Variants in CHODL observed in about 807,000 individuals in gnomAD.
CHODL encodes transmembrane protein MT75.
In CHODL, 29 loss-of-function variants were observed where a neutral mutation model predicts 34.5. The ratio of observed to expected loss-of-function variants is 0.84; its 90% CI spans 0.63 to 1.15. CHODL has a LOEUF of 1.15. Among genes scored for constraint, CHODL ranks in the 50% most tolerant of loss-of-function variants. The pLI, the probability that CHODL is intolerant of heterozygous loss-of-function variation, is 0.00. For synonymous variants in CHODL, 125 were observed against 116.1 expected (o/e 1.08, Z -0.49); for missense variants, 332 against 332.5 (o/e 1.00, Z 0.01).
intron 2 of CHODL, among the ~76,000 whole-genome samples, chr21:18,187,055 C>T (rs1192964853): frequency 6.6e-6 from 1 of 152,078 alleles, no homozygotes; most frequent in African/African-American, 2.4e-5. Context: ...TACTATAATA[C>T]AGCAAAAGTC....
At chr21:18,023,943 A>G (rs188286155) in intron 1 of CHODL, among the ~76,000 whole-genome samples, 167 of 152,330 alleles carry the variant, frequency 1.1e-3, no homozygotes, top group African/African-American at 3.6e-3. Context: ...GTGATTAGTT[A>G]TGGTAAAAGA....
chr21:17,964,384 GAACATGAA>G (rs952626498), intron 1 of CHODL, among the ~76,000 whole-genome samples: 3 of 152,180 alleles, frequency 2.0e-5, no homozygotes, highest in African/African-American at 7.2e-5. Flanking sequence ...TGCACGTGCT[GAACATGAA>G]AATGCCAAAA....
At chr21:17,929,210 A>C (rs868377785) in intron 1 of CHODL, among the ~76,000 whole-genome samples, 1 of 152,226 alleles carries the variant, frequency 6.6e-6, no homozygotes, top group African/African-American at 2.4e-5. Context: ...GCCTCAAAGT[A>C]ATGTCTTTGG....
chr21:18,245,496 T>C (rs1236829326), intron 1 of CHODL, among the ~76,000 whole-genome samples, 194 bp downstream of exon 1: 1 of 152,186 alleles, frequency 6.6e-6, no homozygotes, highest in Non-Finnish European at 1.5e-5. Context: ...CAGAAAAGTT[T>C]AAATTTTTGT....
intron 2 of CHODL, among the ~76,000 whole-genome samples, chr21:18,058,487 C>CA (rs11430275): frequency 0.55 from 82,863 of 151,884 alleles, 24,039 homozygotes; most frequent in Non-Finnish European, 0.66. Context: ...GAAAATGTGG[C>CA]ATATATACAC....
chr21:18,033,513 G>A (rs2064272192), intron 2 of CHODL, among the ~76,000 whole-genome samples: 1 of 151,984 alleles, frequency 6.6e-6, no homozygotes, highest in African/African-American at 2.4e-5. Context: ...ATCAATGTTT[G>A]GATTTATTTA....
chr21:18,011,243 ATAACT>A (rs954730803), intron 1 of CHODL, among the ~76,000 whole-genome samples: 10 of 152,038 alleles, frequency 6.6e-5, no homozygotes, highest in African/African-American at 1.5e-4. Context: ...TTTTTGGCTA[ATAACT>A]TAGCTGAGAA....
At chr21:18,080,889 C>G (rs892657571) in intron 2 of CHODL, among the ~76,000 whole-genome samples, 1 of 151,978 alleles carries the variant, frequency 6.6e-6, no homozygotes, top group African/African-American at 2.4e-5. Flanking sequence ...ATTGGTAACT[C>G]GATAGGGATT....
chr21:18,260,737 T>C (rs917296198), intron 4 of CHODL, among the ~76,000 whole-genome samples: 7 of 152,030 alleles, frequency 4.6e-5, no homozygotes, highest in Admixed American at 1.3e-4. Flanking sequence ...CACCTGAGTC[T>C]GGGAAGTCGA....
intron 1 of CHODL, among the ~76,000 whole-genome samples, chr21:17,950,537 T>TACACACACACAC (rs1568813369): frequency 1.8e-3 from 77 of 43,984 alleles, no homozygotes; most frequent in African/African-American, 6.5e-3. Flanking sequence ...CACACACACT[T>TACACACACACAC]CTTTAAAGCC....
chr21:18,201,799 A>ATTT (rs2073655117), intron 2 of CHODL, among the ~76,000 whole-genome samples: 1 of 138,290 alleles, frequency 7.2e-6, no homozygotes, highest in Non-Finnish European at 1.6e-5. Context: ...ATTTTTAAAA[A>ATTT]CTTTTTTTTT....
At chr21:18,087,233 G>A (rs2065018788) in intron 2 of CHODL, among the ~76,000 whole-genome samples, 1 of 152,196 alleles carries the variant, frequency 6.6e-6, no homozygotes, top group South Asian at 2.1e-4. Context: ...TATAAGCAGT[G>A]TGGTCTGCTC....
chr21:18,163,490 G>A (rs1223743067), intron 2 of CHODL, among the ~76,000 whole-genome samples: 2 of 152,096 alleles, frequency 1.3e-5, no homozygotes, highest in Admixed American at 1.3e-4. Flanking sequence ...ATTTGACAGG[G>A]AAGCTCTTTT....
At chr21:18,017,971 A>G (rs1185160223) in intron 1 of CHODL, among the ~76,000 whole-genome samples, 3 of 152,216 alleles carry the variant, frequency 2.0e-5, no homozygotes, top group African/African-American at 7.2e-5. Flanking sequence ...AAAGGAGATT[A>G]CCTTGGAGCT....
chr21:18,145,320 C>T (rs2072863422), intron 2 of CHODL, among the ~76,000 whole-genome samples: 1 of 148,274 alleles, frequency 6.7e-6, no homozygotes, highest in Non-Finnish European at 1.5e-5. Context: ...GCCTGTAGTC[C>T]CAGCTACTCG....
chr21:18,183,319 T>G (rs2073404218), intron 2 of CHODL, among the ~76,000 whole-genome samples: 1 of 152,212 alleles, frequency 6.6e-6, no homozygotes, highest in South Asian at 2.1e-4. Context: ...TCCGGAAATT[T>G]AAAATCAGGT....
At chr21:17,990,820 A>G (rs1568833479) in intron 1 of CHODL, among the ~76,000 whole-genome samples, 1 of 152,120 alleles carries the variant, frequency 6.6e-6, no homozygotes, top group Admixed American at 6.6e-5. Flanking sequence ...GTTGGTTACA[A>G]TTTAAAATGA....
At chr21:17,941,377 T>G (rs1230604602) in intron 1 of CHODL, among the ~76,000 whole-genome samples, 3 of 145,116 alleles carry the variant, frequency 2.1e-5, no homozygotes, top group African/African-American at 7.6e-5. Context: ...TGCAGTCCAC[T>G]CTGTATAACC....
At chr21:18,093,887 T>A (rs183765136) in intron 2 of CHODL, among the ~76,000 whole-genome samples, 1 of 152,182 alleles carries the variant, frequency 6.6e-6, no homozygotes. Flanking sequence ...TACTTATCAA[T>A]AATAACATTG....
Sources: gnomAD v4.1 joint callset for allele counts (sites outside exome capture counted in the v4.1 genomes callset) on GRCh38, gnomAD v4.1.1 for gene constraint, MANE v1.5 for transcripts, NCBI Gene and HGNC (gene_info 2026-07-23, HGNC 2026-07-21) for gene names.